Variants in UNC80 observed in about 807,000 individuals in gnomAD.
UNC80 encodes unc-80 subunit of NALCN channel complex.
UNC80 carries 164 observed loss-of-function variants against 384.6 expected under a neutral mutation model. That is an observed-to-expected ratio of 0.43 (90% CI 0.38 to 0.49). The LOEUF is 0.49. UNC80 is among the 20% of genes least tolerant of loss of function. The pLI, the probability that UNC80 is intolerant of heterozygous loss-of-function variation, is 0.00. For synonymous variants in UNC80, 1,486 were observed against 1,527.8 expected (o/e 0.97, Z 0.64); for missense variants, 3,330 against 4,143.0 (o/e 0.80, Z 5.39).
chr2:209,780,240 A>G lies in UNC80; in HGVS notation c.600+2681A>G, dbSNP rs148867546. The stretch of plus-strand genomic sequence containing the variant: ...TTAACTTATGGCTTGGGAATGGAGC[A>G]TTTATAAAGGAGTAAGACAATTCAT... On this transcript the variant is annotated intron_variant, in intron 4 of 64. Coordinates refer to ENST00000673920, the MANE Select transcript of UNC80 (RefSeq NM_001371986.1). Among the ~76,000 whole-genome samples the G allele has an allele frequency of 4.5e-3, 680 of 152,332 alleles. 4 individuals carry two copies. Among genetic ancestry groups the G allele is most frequent in the Admixed American group, 0.01 (160 of 15,302 alleles).
intron 4 of UNC80, among the ~76,000 whole-genome samples, chr2:209,780,415 A>T (rs1234038097): frequency 6.6e-6 from 1 of 152,240 alleles, no homozygotes; most frequent in African/African-American, 2.4e-5. Flanking sequence ...GAGAATAAAA[A>T]GCATTCAGTC....
rs56931388 is a variant in UNC80, at chr2:209,801,689, C to CTTT, written c.938+7845_938+7847dup. On this transcript the variant is annotated intron_variant, in intron 7 of 64. Transcript: ENST00000673920. ...ATCTACCATGCCCGGCCAACCCCTG[C>CTTT]TTTTTTTTTTTTTTTTTGCTTTTTA... Among the ~76,000 whole-genome samples the CTTT allele has an allele frequency of 7.1e-4, 82 of 115,108 alleles. 2 individuals are homozygous for CTTT. The highest frequency in any genetic ancestry group is 6.1e-4 in the African/African-American group (18 of 29,506). The allele number at this position is 115,108 out of a possible 152,430, so 75.5% of individuals were successfully genotyped here.
chr2:209,962,500 G>T (rs775359504), intron 51 of UNC80, among the ~76,000 whole-genome samples: 1 of 152,308 alleles, frequency 6.6e-6, no homozygotes, highest in Non-Finnish European at 1.5e-5. Context: ...GTTGTACATG[G>T]CTGGATGCCT....
intron 27 of UNC80, among the ~76,000 whole-genome samples, chr2:209,895,092 T>C (rs912311609): frequency 6.6e-6 from 1 of 152,164 alleles, no homozygotes; most frequent in Non-Finnish European, 1.5e-5. Flanking sequence ...GAGTTATAGA[T>C]TGTCATTGTA....
intron 48 of UNC80, 51 bp downstream of exon 48, chr2:209,954,321 G>T: frequency 2.0e-6 from 2 of 998,000 alleles, no homozygotes; most frequent in Non-Finnish European, 2.6e-6. Context: ...TGTTTCCACT[G>T]AAAAAAAAAA....
rs2124823085 is a variant in UNC80, at chr2:209,842,460, A to G, written c.3454+14A>G. 2 of 1,515,760 alleles carry G rather than the reference A, an allele frequency of 1.3e-6. No homozygotes were observed. Among genetic ancestry groups the G allele is most frequent in the East Asian group, 2.5e-5 (1 of 40,746 alleles). The allele number at this position is 1,515,760 out of a possible 1,614,324, so 93.9% of individuals were successfully genotyped here. ...TCAAGCGTCTTGGTAAATGTCATGC[A>G]TCCTAAGAATTCTATTCAACTTTTA... On this transcript the variant is annotated intron_variant, in intron 21 of 64. Transcript: ENST00000673920.
At chr2:209,914,649 C>CTCTG (rs527974282) in intron 31 of UNC80, among the ~76,000 whole-genome samples, 2 of 128,406 alleles carry the variant, frequency 1.6e-5, no homozygotes, top group Non-Finnish European at 3.3e-5. Flanking sequence ...CTAGGGTAAA[C>CTCTG]TGTGTGTGTG....
At chr2:209,890,485 C>T (rs895751948) in intron 26 of UNC80, among the ~76,000 whole-genome samples, 3 of 152,140 alleles carry the variant, frequency 2.0e-5, no homozygotes, top group Admixed American at 2.0e-4. Context: ...TTTACATTTT[C>T]ACACAGACAA....
At chr2:209,836,533 A>G (rs2081346222) in intron 18 of UNC80, among the ~76,000 whole-genome samples, 3 of 152,216 alleles carry the variant, frequency 2.0e-5, no homozygotes, top group Non-Finnish European at 4.4e-5. Flanking sequence ...ATTTCTTAGC[A>G]TTTAGCACAT....
intron 64 of UNC80, 145 bp from the exon 65 acceptor site, chr2:209,995,184 G>A (rs2093463493): frequency 5.7e-6 from 6 of 1,053,214 alleles, no homozygotes; most frequent in Admixed American, 5.7e-5. Context: ...AAAGGCCTAC[G>A]TAAGGTCCTA....
intron 28 of UNC80, among the ~76,000 whole-genome samples, chr2:209,902,904 CGTGTGTGTGTGT>C (rs56102642): frequency 6.9e-4 from 97 of 141,314 alleles, no homozygotes; most frequent in Middle Eastern, 3.6e-3. Context: ...CCTGTATACA[CGTGTGTGTGTGT>C]GTGTGTGTGT....
intron 8 of UNC80, among the ~76,000 whole-genome samples, chr2:209,814,969 T>C (rs935155566): frequency 1.4e-5 from 2 of 140,746 alleles, no homozygotes; most frequent in African/African-American, 4.9e-5. Flanking sequence ...CAAAACACTC[T>C]TTTTAATTAA....
intron 25 of UNC80, among the ~76,000 whole-genome samples, chr2:209,885,370 A>G (rs2085692428): frequency 6.6e-6 from 1 of 152,194 alleles, no homozygotes; most frequent in African/African-American, 2.4e-5. Flanking sequence ...AACAGCTCTG[A>G]TGAACCTTCT....
chr2:209,824,625 A>G (rs1025853674), intron 13 of UNC80, among the ~76,000 whole-genome samples: 1 of 152,140 alleles, frequency 6.6e-6, no homozygotes, highest in Non-Finnish European at 1.5e-5. Context: ...GCAGTGAGCC[A>G]TCAGCACTTG....
chr2:209,786,141 G>A lies in UNC80; in HGVS notation c.676G>A (p.Val226Ile), dbSNP rs1382707981. ...CATGTGGGAACACAGACAGCCCGGA[G>A]TCTCTGGCTTTACCGCACTGGTGAA... ...QPMWEHRQPG[V>I]SGFTALVKPI... Residue 226 changes from valine to isoleucine, a missense_variant, in exon 5 of 65, where the codon GTC becomes ATC. Val to Ile is a conservative substitution (Grantham distance 29). This residue lies in a region of UNC80 where 937 missense variants were observed against 1,026.8 expected (regional missense o/e 0.91). Transcript: ENST00000673920. 19 of 1,613,982 alleles carry A rather than the reference G, an allele frequency of 1.2e-5. No individual in the cohort carries two copies. Among genetic ancestry groups the A allele is most frequent in the Non-Finnish European group, 1.6e-5 (19 of 1,179,980 alleles).
chr2:209,817,986 C>G (rs1668482970), intron 11 of UNC80, 34 bp downstream of exon 11: 11 of 1,548,954 alleles, frequency 7.1e-6, no homozygotes, highest in South Asian at 1.2e-5. Flanking sequence ...GGCAGGAGTT[C>G]AGAGTTCTTT....
chr2:209,938,016 G>A (rs910172043), intron 42 of UNC80, among the ~76,000 whole-genome samples: 3 of 151,804 alleles, frequency 2.0e-5, no homozygotes, highest in East Asian at 1.9e-4. Context: ...CACAGTAAAA[G>A]GGGTCACTCT....
Position 209,998,711 on chromosome 2 carries a change from T to G in UNC80, c.*3116T>G, listed in dbSNP as rs1211052739. ...GTCATAAATGAATAGAAGTACAGTC[T>G]GAAACATGAATTAAATATCCTTCCT... On this transcript the variant is annotated 3_prime_UTR_variant, in exon 65 of 65. Transcript: ENST00000673920. 1 of 152,226 alleles carries G rather than the reference T, an allele frequency of 6.6e-6. No individual in the cohort carries two copies. The highest frequency in any genetic ancestry group is 1.9e-4 in the East Asian group (1 of 5,204). The allele number at this position is 152,226 out of a possible 1,614,324, so 9.4% of individuals were successfully genotyped here.
Position 209,973,146 on chromosome 2 carries a change from C to T in UNC80, c.8463C>T (p.Ser2821=). The T allele has an allele frequency of 6.4e-7, 1 of 1,551,680 alleles. No individual in the cohort carries two copies. Among genetic ancestry groups the T allele is most frequent in the Non-Finnish European group, 8.7e-7 (1 of 1,147,000 alleles). Residue 2821 remains serine (S), a synonymous_variant, in exon 56 of 65, where the codon AGC becomes AGT. Transcript: ENST00000673920. ...INVLLPPRII[S]TSRSKNFMLE... is the part of the protein sequence containing the mutation. Reference sequence around the variant, plus strand: ...TACTCCTCCCACCGCGGATCATCAGCACATCCAGGAGCAAGAACTTCATGT... The same window carrying T: ...TACTCCTCCCACCGCGGATCATCAGTACATCCAGGAGCAAGAACTTCATGT...
Sources: allele counts gnomAD v4.1 joint callset (sites outside exome capture counted in the v4.1 genomes callset), GRCh38; gene constraint gnomAD v4.1.1; regional missense constraint gnomAD v4.1.1; transcripts MANE v1.5; gene names NCBI Gene and HGNC (gene_info 2026-07-23, HGNC 2026-07-21).